CYTH3: variants seen among roughly 807,000 people sequenced by gnomAD.
CYTH3 encodes the protein cytohesin-3.
CYTH3 carries 23 observed loss-of-function variants against 55.1 expected under a neutral mutation model. That is an observed-to-expected ratio of 0.42 (90% CI 0.30 to 0.59). The LOEUF is 0.59. Ranked by LOEUF, CYTH3 falls within the 20% of genes least tolerant of loss-of-function variation. The pLI, the probability that CYTH3 is intolerant of heterozygous loss-of-function variation, is 0.20. For synonymous variants in CYTH3, 249 were observed against 194.9 expected, an observed-to-expected ratio of 1.28 and a Z score of -2.31; for missense variants, 413 against 524.8, an observed-to-expected ratio of 0.79 and a Z score of 2.08.
intron 4 of CYTH3, among the ~76,000 whole-genome samples, chr7:6,186,779 A>C (rs910512590): frequency 6.6e-6 from 1 of 152,188 alleles, no homozygotes; most frequent in Non-Finnish European, 1.5e-5. Flanking sequence ...GCCTGTGCTG[A>C]GTCGTCCAAG....
intron 1 of CYTH3, among the ~76,000 whole-genome samples, chr7:6,214,697 C>A (rs1362956142): frequency 6.6e-6 from 1 of 152,108 alleles, no homozygotes; most frequent in African/African-American, 2.4e-5. Context: ...AAATAACTTG[C>A]TAGTTCAAGA....
In CYTH3 at chr7:6,190,401, A is replaced by G. The variant is rs1783771428; in HGVS notation, c.117+48T>C. ...CTACTCTTTTACTATTTTACTCAAA[A>G]GCAAAAAACAGAGTTTTGGATTTTT... On this transcript the variant is annotated intron_variant, in intron 2 of 12. Transcript: ENST00000350796. The G allele has an allele frequency of 2.2e-6, 3 of 1,384,244 alleles. No individual in the cohort carries two copies. The South Asian group carries it at 4.6e-5, about 21-fold the overall frequency. The allele number at this position is 1,384,244 out of a possible 1,614,324, so 85.7% of individuals were successfully genotyped here. A position where few individuals can be genotyped will look rare whatever the true frequency, so the allele number is the denominator to read the frequency against.
At chr7:6,261,084 C>A (rs1780340556) in intron 1 of CYTH3, among the ~76,000 whole-genome samples, 1 of 152,106 alleles carries the variant, frequency 6.6e-6, no homozygotes, top group African/African-American at 2.4e-5. Flanking sequence ...AGAGAGCTAC[C>A]CATGCAGTGA....
rs1282157940 is a variant in CYTH3, at chr7:6,162,799, CAG to C, written c.*2143_*2144del. 1 of 152,568 alleles carries C rather than the reference CAG, an allele frequency of 6.6e-6. No individual in the cohort carries two copies. Among genetic ancestry groups the C allele is most frequent in the African/African-American group, 2.4e-5 (1 of 41,456 alleles). The allele number at this position is 152,568 out of a possible 1,614,324, so 9.5% of individuals were successfully genotyped here. On this transcript the variant is annotated 3_prime_UTR_variant, in exon 13 of 13. Coordinates refer to ENST00000350796, the MANE Select transcript of CYTH3 (RefSeq NM_004227.4). ...CTGCTGCTTCTCCCAACACCCAAAA[CAG>C]AAAGCTCTGCATCCCCAGGTCACAC...
intron 1 of CYTH3, among the ~76,000 whole-genome samples, chr7:6,262,950 G>A (rs919367546): frequency 5.9e-5 from 9 of 151,840 alleles, no homozygotes; most frequent in African/African-American, 2.2e-4. Flanking sequence ...GCAAAGTAAA[G>A]GCATTTTTGA....
chr7:6,179,714 C>CCA (rs1783437144), intron 4 of CYTH3, among the ~76,000 whole-genome samples: 6 of 103,372 alleles, frequency 5.8e-5, no homozygotes, highest in African/African-American at 2.5e-4. Flanking sequence ...CACACACACC[C>CCA]CACACACCAC....
At chr7:6,229,406 C>G (rs1053932025) in intron 1 of CYTH3, among the ~76,000 whole-genome samples, 12 of 152,124 alleles carry the variant, frequency 7.9e-5, no homozygotes, top group African/African-American at 2.9e-4. Context: ...GCGGCAGACT[C>G]CAGGAACAAG....
At chr7:6,214,661 T>C (rs1784388934) in intron 1 of CYTH3, among the ~76,000 whole-genome samples, 2 of 152,102 alleles carry the variant, frequency 1.3e-5, no homozygotes, top group South Asian at 2.1e-4. Flanking sequence ...CACCAAACCA[T>C]ACAAAACAAA....
chr7:6,219,565 G>A (rs193192848), intron 1 of CYTH3, among the ~76,000 whole-genome samples: 1 of 152,294 alleles, frequency 6.6e-6, no homozygotes, highest in East Asian at 1.9e-4. Context: ...GCTCTTTGAA[G>A]AGATTTAAGC....
intron 1 of CYTH3, 108 bp downstream of exon 1, chr7:6,272,366 G>A (rs1435844280): frequency 5.9e-6 from 6 of 1,018,342 alleles, no homozygotes; most frequent in Non-Finnish European, 7.3e-6. Flanking sequence ...CGCTGCCCCC[G>A]ACCCCGTCTC....
chr7:6,268,120 A>G (rs1164299853), intron 1 of CYTH3, among the ~76,000 whole-genome samples: 2 of 151,902 alleles, frequency 1.3e-5, no homozygotes, highest in African/African-American at 4.8e-5. Context: ...CTTTCAAAAC[A>G]CAAGAATGGG....
chr7:6,174,553 T>G (rs1485327209), intron 5 of CYTH3, among the ~76,000 whole-genome samples: 1 of 144,624 alleles, frequency 6.9e-6, no homozygotes, highest in East Asian at 2.0e-4. Flanking sequence ...TTTTTTTTTT[T>G]TTTTTTTTTT....
At chr7:6,255,650 A>G (rs765720785) in intron 1 of CYTH3, among the ~76,000 whole-genome samples, 4 of 151,940 alleles carry the variant, frequency 2.6e-5, no homozygotes, top group Admixed American at 6.6e-5. Flanking sequence ...GGACATCAGG[A>G]GAAAACAGCT....
intron 4 of CYTH3, among the ~76,000 whole-genome samples, chr7:6,183,763 C>G (rs961055928): frequency 6.6e-6 from 1 of 151,744 alleles, no homozygotes; most frequent in Non-Finnish European, 1.5e-5. Flanking sequence ...TGTTGAAGCC[C>G]AAACCCCCAC....
rs572835090 is a variant in CYTH3, at chr7:6,266,923, C to T, written c.34+5551G>A. 8.9e-4 allele frequency among the ~76,000 whole-genome samples: 136 copies of T among 152,340 alleles called. 2 individuals are homozygous for T. Among genetic ancestry groups the T allele is most frequent in the Admixed American group, 8.2e-3 (125 of 15,302 alleles). On this transcript the variant is annotated intron_variant, in intron 1 of 12. Transcript: ENST00000350796. ...ACTGATACAGTTTGGATATATGCCCCGCCCAAATCTCATGTTGAACTGTAA... is the reference window on the plus strand; with the variant it reads ...ACTGATACAGTTTGGATATATGCCCTGCCCAAATCTCATGTTGAACTGTAA...
At chr7:6,242,822 ACTC>A (rs1314792070) in intron 1 of CYTH3, among the ~76,000 whole-genome samples, 1 of 151,242 alleles carries the variant, frequency 6.6e-6, no homozygotes, top group Admixed American at 6.6e-5. Context: ...TGCCTCCCAT[ACTC>A]CTCCCAGACC....
chr7:6,185,427 G>GGAT (rs1562884877), intron 4 of CYTH3, among the ~76,000 whole-genome samples: 2 of 150,992 alleles, frequency 1.3e-5, no homozygotes, highest in Non-Finnish European at 2.9e-5. Context: ...CGGGTGCACT[G>GGAT]GGCTCACGCC....
At chr7:6,205,088 C>T (rs894300729) in intron 1 of CYTH3, among the ~76,000 whole-genome samples, 2 of 152,048 alleles carry the variant, frequency 1.3e-5, no homozygotes. Context: ...TCACCTGAGC[C>T]TGGACGGCCA....
At chr7:6,222,552 C>A (rs960898846) in intron 1 of CYTH3, among the ~76,000 whole-genome samples, 1 of 152,048 alleles carries the variant, frequency 6.6e-6, no homozygotes, top group Admixed American at 6.6e-5. Flanking sequence ...GGAGACCATC[C>A]TGGTTAATAC....
Sources: allele counts gnomAD v4.1 joint callset (sites outside exome capture counted in the v4.1 genomes callset), GRCh38; gene constraint gnomAD v4.1.1; transcripts MANE v1.5; gene names NCBI Gene and HGNC (gene_info 2026-07-23, HGNC 2026-07-21).